Variants in TLE5 observed in about 807,000 individuals in gnomAD.
The protein encoded by TLE5 is TLE family member 5.
In TLE5, 7 loss-of-function variants were observed where a neutral mutation model predicts 25.8. That is an observed-to-expected ratio of 0.27 (90% confidence interval 0.15 to 0.51). TLE5 has a LOEUF of 0.51. Ranked by LOEUF, TLE5 falls within the 20% of genes least tolerant of loss-of-function variation. The pLI is 0.97. For missense variants in TLE5, 149 were observed against 250.7 expected, an observed-to-expected ratio of 0.59 and a Z score of 2.74; for synonymous variants, 132 against 110.5, an observed-to-expected ratio of 1.20 and a Z score of -1.22.
intron 3 of TLE5, chr19:3,056,691 T>G (rs1169904139): frequency 2.0e-6 from 1 of 490,076 alleles, no homozygotes; most frequent in African/African-American, 2.0e-5. Flanking sequence ...ATCTTGTATC[T>G]TTCTATGTCT....
At chr19:3,060,289 C>T (rs2090253432) in intron 2 of TLE5, among the ~76,000 whole-genome samples, 1 of 149,664 alleles carries the variant, frequency 6.7e-6, no homozygotes, top group African/African-American at 2.5e-5. Flanking sequence ...GAGGAAATAA[C>T]ATCATAACAT....
At position 3,054,318 on chromosome 19, in the gene TLE5, A is replaced by G. The variant is rs983983515; in HGVS notation, c.298-124T>C. The G allele has an allele frequency of 3.0e-5, 27 of 904,508 alleles. No homozygotes were observed. In the African/African-American group the frequency reaches 4.1e-4, roughly 14 times the overall value. 56.0% of individuals were successfully genotyped at this position (904,508 alleles called of 1,614,324 possible). On this transcript the variant is annotated intron_variant, in intron 5 of 6. Transcript: ENST00000327141. ...GTGGGCCATCATGTCTGCTCCTCCC[A>G]GTGGTTTTCAACCCCATCAGAAAGC...
intron 2 of TLE5, among the ~76,000 whole-genome samples, chr19:3,059,268 T>C (rs780745555): frequency 6.6e-6 from 1 of 151,986 alleles, no homozygotes; most frequent in East Asian, 1.9e-4. Flanking sequence ...ACGCCTGTAA[T>C]CCCAGCATTT....
intron 4 of TLE5, 39 bp downstream of exon 4, chr19:3,056,260 GGGAGGAGGGGGAA>G: frequency 2.3e-6 from 3 of 1,315,400 alleles, no homozygotes; most frequent in South Asian, 2.9e-5. Flanking sequence ...TGGAGGTGGG[GGGAGGAGGGGGAA>G]GGAGGAGGAG....
rs1053997002 is a variant in TLE5, at chr19:3,053,688, C to A, written c.*131G>T. On this transcript the variant is annotated 3_prime_UTR_variant, in exon 7 of 7. Transcript: ENST00000327141. ...CAAGCTGGGCTGGGGCCCCCGCCGG[C>A]GGCCACCATAAATACTATGGGAGTT... The A allele has an allele frequency of 1.9e-6, 2 of 1,076,642 alleles. No individual in the cohort carries two copies. Among genetic ancestry groups the A allele is most frequent in the African/African-American group, 3.2e-5 (2 of 62,578 alleles). The allele number at this position is 1,076,642 out of a possible 1,614,324, so 66.7% of individuals were successfully genotyped here. A position where few individuals can be genotyped will look rare whatever the true frequency, so the allele number is the denominator to read the frequency against.
upstream of TLE5, chr19:3,062,833 G>A: frequency 6.5e-7 from 1 of 1,546,568 alleles, no homozygotes; most frequent in South Asian, 1.2e-5. Context: ...CTTGGCTCTG[G>A]CTGGGCGGTG....
At chr19:3,060,946 T>C in intron 2 of TLE5, 1 of 386,078 alleles carries the variant, frequency 2.6e-6, no homozygotes. Context: ...GCTGAATCTT[T>C]GGGCAAATTA....
rs559754974 is a variant in TLE5, at chr19:3,055,799, G to A, written c.235-73C>T. On this transcript the variant is annotated intron_variant, in intron 4 of 6. Transcript: ENST00000327141. ...TGCAGGCTAGCCACAGGAGGCCTGC[G>A]CGGGGCCCGGCCCAGCCCTGCCACT... The A allele has an allele frequency of 9.9e-5, 146 of 1,473,434 alleles. No homozygotes were observed. The African/African-American group carries it at 1.1e-3, about 11-fold the overall frequency. The allele number at this position is 1,473,434 out of a possible 1,614,324, so 91.3% of individuals were successfully genotyped here.
Position 3,053,508 on chromosome 19 carries a change from T to G in TLE5, c.*311A>C. Reference sequence around the variant, plus strand: ...GGGGGAAGGGCCGGGGCTGCTGCGCTTCGCGAGGTCTTGCTCCCTTGGGAC... The same window carrying G: ...GGGGGAAGGGCCGGGGCTGCTGCGCGTCGCGAGGTCTTGCTCCCTTGGGAC... On this transcript the variant is annotated 3_prime_UTR_variant, in exon 7 of 7. Coordinates refer to ENST00000327141, the MANE Select transcript of TLE5 (RefSeq NM_001130.6). The G allele has an allele frequency of 2.3e-6, 1 of 440,608 alleles. No individual in the cohort carries two copies. Among genetic ancestry groups the G allele is most frequent in the Non-Finnish European group, 4.1e-6 (1 of 243,796 alleles). 27.3% of individuals were successfully genotyped at this position (440,608 alleles called of 1,614,324 possible).
In TLE5 at chr19:3,053,978, T is replaced by C. The variant is rs1185421091; in HGVS notation, c.435A>G (p.Leu145=). 1.2e-6 allele frequency: 2 copies of C among 1,609,722 alleles called. No homozygotes were observed. Among genetic ancestry groups the C allele is most frequent in the African/African-American group, 1.3e-5 (1 of 74,752 alleles). The change falls in exon 7 of 7, where the codon CTA becomes CTG. Residue 145 remains leucine (L), a synonymous_variant. Coordinates refer to ENST00000327141, the MANE Select transcript of TLE5 (RefSeq NM_001130.6). ...GCGAAGGCGGCTGCAGCCCCACGGG[T>C]AGTGGGGTCAAGGGCAGGGCCAGGG... ...LQALALPLTP[L]PVGLQPPSLP... is the part of the protein sequence containing the mutation.
intron 1 of TLE5, among the ~76,000 whole-genome samples, chr19:3,061,907 C>G (rs1459085566): frequency 2.3e-5 from 2 of 88,320 alleles, no homozygotes. Context: ...GGCGCCAAGC[C>G]GGGAGCTGCG....
In TLE5 at chr19:3,055,657, C is replaced by T. The variant is rs770168944; in HGVS notation, c.297+7G>A. On this transcript the variant is annotated splice_region_variant and intron_variant, in intron 5 of 6. Coordinates refer to ENST00000327141, the MANE Select transcript of TLE5 (RefSeq NM_001130.6). ...TCACAACCCCTCCCCAAGGCCCTGG[C>T]TCTTACCTCTTGGGAGAGGTAGGGC... 15 of 1,593,394 alleles carry T rather than the reference C, an allele frequency of 9.4e-6. 1 individual carries two copies. The South Asian group carries it at 1.6e-4, about 17-fold the overall frequency.
chr19:3,053,706 T>A lies in TLE5; in HGVS notation c.*113A>T. The A allele has an allele frequency of 8.0e-7, 1 of 1,246,514 alleles. No individual in the cohort carries two copies. Among genetic ancestry groups the A allele is most frequent in the Non-Finnish European group, 1.1e-6 (1 of 906,548 alleles). 77.2% of individuals were successfully genotyped at this position (1,246,514 alleles called of 1,614,324 possible). A position where few individuals can be genotyped will look rare whatever the true frequency, so the allele number is the denominator to read the frequency against. On this transcript the variant is annotated 3_prime_UTR_variant, in exon 7 of 7. Transcript: ENST00000327141. ...CCGCCGGCGGCCACCATAAATACTATGGGAGTTTAGCCAATCCCGAGCTCC... is the reference window on the plus strand; with the variant it reads ...CCGCCGGCGGCCACCATAAATACTAAGGGAGTTTAGCCAATCCCGAGCTCC...
intron 2 of TLE5, 115 bp downstream of exon 2, chr19:3,061,045 A>G: frequency 1.3e-6 from 1 of 742,806 alleles, no homozygotes; most frequent in Non-Finnish European, 2.4e-6. Context: ...TGATTAGGTC[A>G]GAGTCTAGCA....
Position 3,052,952 on chromosome 19 carries a change from C to T in TLE5, c.*867G>A, listed in dbSNP as rs987111346. Reference sequence around the variant, plus strand: ...TATTGGAAAGGCACAGCTAAGCCCACCCTTGATACAGCATTTTCCACTTCT... The same window carrying T: ...TATTGGAAAGGCACAGCTAAGCCCATCCTTGATACAGCATTTTCCACTTCT... On this transcript the variant is annotated 3_prime_UTR_variant, in exon 7 of 7. Coordinates refer to ENST00000327141, the MANE Select transcript of TLE5 (RefSeq NM_001130.6). 1 of 152,132 alleles carries T rather than the reference C, an allele frequency of 6.6e-6. No individual in the cohort carries two copies. Among genetic ancestry groups the T allele is most frequent in the African/African-American group, 2.4e-5 (1 of 41,402 alleles). 9.4% of individuals were successfully genotyped at this position (152,132 alleles called of 1,614,324 possible). A position where few individuals can be genotyped will look rare whatever the true frequency, so the allele number is the denominator to read the frequency against.
chr19:3,058,209 C>G (rs1243229407), intron 2 of TLE5, among the ~76,000 whole-genome samples: 1 of 152,032 alleles, frequency 6.6e-6, no homozygotes, highest in African/African-American at 2.4e-5. Context: ...ATTATAGTAA[C>G]ATTATAGGAA....
At chr19:3,061,362 C>T (rs1226669796) in intron 1 of TLE5, 105 bp from the exon 2 acceptor site, 4 of 821,094 alleles carry the variant, frequency 4.9e-6, no homozygotes, top group East Asian at 5.2e-5. Flanking sequence ...CCCCCTCCTG[C>T]CCCACTTCCT....
At chr19:3,060,328 C>CTT (rs990199468) in intron 2 of TLE5, among the ~76,000 whole-genome samples, 1,418 of 93,168 alleles carry the variant, frequency 0.015, 21 homozygotes, top group Middle Eastern at 0.02. Flanking sequence ...TTTTTTCTTT[C>CTT]TTTTTTTTTT....
In TLE5 at chr19:3,057,698, A is replaced by G; in HGVS notation, c.170T>C (p.Met57Thr). The stretch of plus-strand genomic sequence containing the variant: ...CGTTACCATCACATAGTGACGCTGC[A>G]TCTCTGACTTCTCACTGGCCAACTT... ...CDKLASEKSE[M>T]QRHYVMYYEM... Residue 57 changes from methionine (M) to threonine (T), a missense_variant, in exon 3 of 7, where the codon ATG becomes ACG. Transcript: ENST00000327141. The G allele has an allele frequency of 6.2e-7, 1 of 1,613,644 alleles. No individual in the cohort carries two copies. The highest frequency in any genetic ancestry group is 8.5e-7 in the Non-Finnish European group (1 of 1,179,922).
Sources: allele counts gnomAD v4.1 joint callset (sites outside exome capture counted in the v4.1 genomes callset), GRCh38; gene constraint gnomAD v4.1.1; transcripts MANE v1.5; gene names NCBI Gene and HGNC (gene_info 2026-07-23, HGNC 2026-07-21).